The following MAGI3 variants were observed in gnomAD, a reference collection of about 807,000 sequenced individuals.
The protein encoded by MAGI3 is membrane associated guanylate kinase, WW and PDZ domain containing 3, also known as membrane-associated guanylate kinase, WW and PDZ domain-containing protein 3.
MAGI3 carries 43 observed loss-of-function variants against 121.8 expected under a neutral mutation model. The observed-to-expected ratio is 0.35, with a 90% CI of 0.28 to 0.46. The LOEUF (loss-of-function observed/expected upper bound fraction) is 0.46. MAGI3 is among the 20% of genes least tolerant of loss of function. MAGI3 has a pLI of 1.00. For missense variants in MAGI3, 1,547 were observed against 1,797.3 expected, an observed-to-expected ratio of 0.86 and a Z score of 2.52; for synonymous variants, 553 against 639.3, an observed-to-expected ratio of 0.86 and a Z score of 2.04.
intron 1 of MAGI3, chr1:113,404,141 C>T (rs896408901): frequency 1.1e-4 from 17 of 152,240 alleles, no homozygotes; most frequent in African/African-American, 3.6e-4. Flanking sequence ...TATCATTTGA[C>T]GTCAACCTCC....
intron 19 of MAGI3, among the ~76,000 whole-genome samples, chr1:113,675,565 G>C (rs536345154): frequency 4.6e-5 from 7 of 152,182 alleles, no homozygotes; most frequent in Admixed American, 3.9e-4. Flanking sequence ...CCCAGATTGC[G>C]ACATTACTGA....
intron 6 of MAGI3, among the ~76,000 whole-genome samples, chr1:113,597,300 C>T (rs1217226): frequency 0.74 from 111,984 of 152,058 alleles, 41,756 homozygotes; most frequent in African/African-American, 0.78. Flanking sequence ...TACTGGTTGC[C>T]TTGGGCTAAG....
chr1:113,660,056 G>A (rs1222154685), intron 16 of MAGI3, among the ~76,000 whole-genome samples: 1 of 152,042 alleles, frequency 6.6e-6, no homozygotes, highest in Non-Finnish European at 1.5e-5. Context: ...AATCTAGTTG[G>A]TTTCCAAGTC....
At chr1:113,681,554 A>C (rs1648217598) in intron 20 of MAGI3, among the ~76,000 whole-genome samples, 1 of 152,240 alleles carries the variant, frequency 6.6e-6, no homozygotes, top group African/African-American at 2.4e-5. Context: ...TGTATTTTAA[A>C]TTTAATCAGA....
chr1:113,632,993 G>C (rs1651735281), intron 9 of MAGI3, among the ~76,000 whole-genome samples: 1 of 150,084 alleles, frequency 6.7e-6, no homozygotes, highest in Non-Finnish European at 1.5e-5. Context: ...ATGCTGGTGT[G>C]CTGCACCCAT....
At chr1:113,651,596 G>A (rs192084945) in intron 14 of MAGI3, among the ~76,000 whole-genome samples, 4 of 151,996 alleles carry the variant, frequency 2.6e-5, no homozygotes, top group African/African-American at 9.7e-5. Context: ...GGGTTCAAGC[G>A]ATTCTCCTGC....
chr1:113,574,533 T>G (rs1240747865), intron 2 of MAGI3, among the ~76,000 whole-genome samples: 1 of 152,016 alleles, frequency 6.6e-6, no homozygotes, highest in Non-Finnish European at 1.5e-5. Flanking sequence ...CTCTTCTGGC[T>G]TGAAGGGTTT....
chr1:113,455,264 A>T (rs1185612714), intron 1 of MAGI3, among the ~76,000 whole-genome samples: 1 of 152,160 alleles, frequency 6.6e-6, no homozygotes, highest in Non-Finnish European at 1.5e-5. Flanking sequence ...GATCAGGGAG[A>T]GATCCTAAAT....
At chr1:113,660,042 C>T (rs1653696906) in intron 16 of MAGI3, among the ~76,000 whole-genome samples, 1 of 152,176 alleles carries the variant, frequency 6.6e-6, no homozygotes, top group African/African-American at 2.4e-5. Context: ...TCCCATGACC[C>T]TCTAATCTAG....
intron 1 of MAGI3, among the ~76,000 whole-genome samples, chr1:113,544,656 T>C (rs894395629): frequency 6.6e-6 from 1 of 152,208 alleles, no homozygotes; most frequent in Non-Finnish European, 1.5e-5. Context: ...AAGAATTTTC[T>C]CTTCAAAGGC....
chr1:113,632,826 C>T (rs571116564), intron 9 of MAGI3, among the ~76,000 whole-genome samples: 24 of 152,028 alleles, frequency 1.6e-4, no homozygotes, highest in Middle Eastern at 6.8e-3. Flanking sequence ...ATCTTCAGTT[C>T]AAAATTTGTC....
At chr1:113,489,020 G>A (rs1272405194) in intron 1 of MAGI3, among the ~76,000 whole-genome samples, 1 of 152,124 alleles carries the variant, frequency 6.6e-6, no homozygotes, top group East Asian at 1.9e-4. Flanking sequence ...CAGGCATCCT[G>A]GCACCTACTA....
chr1:113,613,060 T>A (rs1231654163), intron 6 of MAGI3, among the ~76,000 whole-genome samples: 1 of 152,174 alleles, frequency 6.6e-6, no homozygotes, highest in Non-Finnish European at 1.5e-5. Flanking sequence ...CCATAACTGT[T>A]ATAGTGCAGT....
In MAGI3 at chr1:113,685,701, CTTTG is replaced by C; in HGVS notation, c.*1688_*1691del. 1 of 152,366 alleles carries C rather than the reference CTTTG, an allele frequency of 6.6e-6. No homozygotes were observed. The highest frequency in any genetic ancestry group is 3.4e-3 in the Middle Eastern group (1 of 294). 9.4% of individuals were successfully genotyped at this position (152,366 alleles called of 1,614,324 possible). A position where few individuals can be genotyped will look rare whatever the true frequency, so the allele number is the denominator to read the frequency against. On this transcript the variant is annotated 3_prime_UTR_variant, in exon 21 of 21. Coordinates refer to ENST00000307546, the MANE Select transcript of MAGI3 (RefSeq NM_001142782.2). ...CCTATTTTTGTTAACTGTGACATAACTTTGATGTCATATGTTGTCCTATGTGGTT... is the reference window on the plus strand; with the variant it reads ...CCTATTTTTGTTAACTGTGACATAACATGTCATATGTTGTCCTATGTGGTT...
chr1:113,557,900 C>A (rs893991999), intron 2 of MAGI3, among the ~76,000 whole-genome samples: 1 of 152,144 alleles, frequency 6.6e-6, no homozygotes, highest in African/African-American at 2.4e-5. Context: ...ACTGGCAATA[C>A]CTCCAGGTAC....
At chr1:113,639,130 G>A (rs542106680) in intron 9 of MAGI3, among the ~76,000 whole-genome samples, 17 of 152,226 alleles carry the variant, frequency 1.1e-4, no homozygotes, top group South Asian at 4.1e-4. Context: ...TCCAGGTGCC[G>A]TCTGTCACCC....
intron 2 of MAGI3, chr1:113,576,937 A>C (rs1028291141): frequency 6.6e-6 from 1 of 152,226 alleles, no homozygotes; most frequent in African/African-American, 2.4e-5. Context: ...AAATCTTATA[A>C]GCCTCATGAC....
At chr1:113,525,080 T>C (rs1293839828) in intron 1 of MAGI3, among the ~76,000 whole-genome samples, 1 of 152,194 alleles carries the variant, frequency 6.6e-6, no homozygotes, top group Non-Finnish European at 1.5e-5. Flanking sequence ...CCTTCCACCA[T>C]GATTGTGAGG....
intron 1 of MAGI3, among the ~76,000 whole-genome samples, chr1:113,409,897 C>T (rs2101328723): frequency 6.6e-6 from 1 of 152,194 alleles, no homozygotes; most frequent in South Asian, 2.1e-4. Context: ...TCTTAACTTC[C>T]TGTGTGACCC....
Sources: allele counts gnomAD v4.1 joint callset (sites outside exome capture counted in the v4.1 genomes callset), GRCh38; gene constraint gnomAD v4.1.1; transcripts MANE v1.5; gene names NCBI Gene and HGNC (gene_info 2026-07-23, HGNC 2026-07-21).